The following CFAP54 variants were observed in gnomAD, a reference collection of about 807,000 sequenced individuals.
The protein encoded by CFAP54 is cilia- and flagella-associated protein 54.
A neutral mutation model predicts 370.4 loss-of-function variants in CFAP54; 290 were observed. The observed-to-expected ratio is 0.78, with a 90% CI of 0.71 to 0.86. CFAP54 has a LOEUF of 0.86. Among genes scored for constraint, CFAP54 ranks in the 40% least tolerant of loss-of-function variants. CFAP54 has a pLI of 0.00. For missense variants in CFAP54, 3,399 were observed against 3,528.7 expected (o/e 0.96, Z 0.93); for synonymous variants, 1,206 against 1,236.5 (o/e 0.98, Z 0.52).
At chr12:96,570,048 C>T (rs908012104) in intron 19 of CFAP54, among the ~76,000 whole-genome samples, 1 of 151,896 alleles carries the variant, frequency 6.6e-6, no homozygotes, top group Non-Finnish European at 1.5e-5. Context: ...GTGTGTATGG[C>T]TCACTGCAGC....
intron 67 of CFAP54, among the ~76,000 whole-genome samples, chr12:96,872,656 A>G (rs905473266): frequency 2.0e-5 from 3 of 152,222 alleles, no homozygotes; most frequent in Non-Finnish European, 2.9e-5. Context: ...AACATCTAGT[A>G]CAGTAATTCC....
At chr12:96,869,779 T>G (rs1013174968) in intron 67 of CFAP54, among the ~76,000 whole-genome samples, 2 of 151,268 alleles carry the variant, frequency 1.3e-5, no homozygotes, top group African/African-American at 4.9e-5. Context: ...CTACTAAAAA[T>G]ACAAAATTTG....
chr12:96,619,117 A>G (rs1412090873), intron 26 of CFAP54, among the ~76,000 whole-genome samples: 1 of 152,156 alleles, frequency 6.6e-6, no homozygotes, highest in African/African-American at 2.4e-5. Context: ...ACCTGCCTGC[A>G]CTTCCCAAAA....
chr12:96,585,105 T>G (rs778019043), intron 22 of CFAP54, among the ~76,000 whole-genome samples: 2 of 151,900 alleles, frequency 1.3e-5, no homozygotes, highest in Non-Finnish European at 2.9e-5. Context: ...GATCTCATTT[T>G]CGATGTTTGA....
intron 32 of CFAP54, among the ~76,000 whole-genome samples, chr12:96,634,744 A>ATTC (rs1956646494): frequency 6.6e-6 from 1 of 152,006 alleles, no homozygotes; most frequent in African/African-American, 2.4e-5. Flanking sequence ...ATTCATTTTG[A>ATTC]GTTAATTTTT....
Position 96,489,650 on chromosome 12 carries a change from A to G in CFAP54, c.41A>G (p.Asp14Gly), listed in dbSNP as rs1954854059. ...TCCCCCTCGAGCTCTCCGTCAGACG[A>G]CTCTACCACCTCGGGGTCTCTGCCA... ...QGSPSSSPSD[D>G]STTSGSLPEL... Residue 14 changes from aspartate to glycine, a missense_variant, in exon 1 of 68, where the codon GAC (aspartate) becomes GGC (glycine). Physicochemically the swap from Asp to Gly is moderately conservative, Grantham distance 94. Coordinates refer to ENST00000524981, the MANE Select transcript of CFAP54 (RefSeq NM_001306084.2). 1.3e-6 allele frequency: 2 copies of G among 1,531,830 alleles called. No homozygotes were observed. The highest frequency in any genetic ancestry group is 8.7e-7 in the Non-Finnish European group (1 of 1,144,002). 94.9% of individuals were successfully genotyped at this position (1,531,830 alleles called of 1,614,324 possible). A position where few individuals can be genotyped will look rare whatever the true frequency, so the allele number is the denominator to read the frequency against.
intron 39 of CFAP54, among the ~76,000 whole-genome samples, chr12:96,672,537 T>C (rs568912959): frequency 3.3e-5 from 5 of 152,264 alleles, no homozygotes; most frequent in Non-Finnish European, 7.4e-5. Flanking sequence ...GAGGGTCCAA[T>C]GAGTGAGATT....
intron 66 of CFAP54, among the ~76,000 whole-genome samples, chr12:96,856,558 T>A (rs928410264): frequency 1.4e-4 from 22 of 151,946 alleles, no homozygotes; most frequent in African/African-American, 5.1e-4. Flanking sequence ...ATAACAAGAG[T>A]CACCTTTGCT....
chr12:96,699,581 G>T (rs1258196583), intron 45 of CFAP54, among the ~76,000 whole-genome samples: 1 of 152,136 alleles, frequency 6.6e-6, no homozygotes, highest in Non-Finnish European at 1.5e-5. Flanking sequence ...TTGGGCTGGA[G>T]AACATTAGGA....
intron 36 of CFAP54, among the ~76,000 whole-genome samples, chr12:96,653,392 A>G (rs553662384): frequency 3.2e-4 from 49 of 152,358 alleles, no homozygotes; most frequent in Admixed American, 1.5e-3. Flanking sequence ...ATAAGTCTTC[A>G]AAAATGTAAG....
chr12:96,549,076 G>A (rs1404662570), intron 15 of CFAP54, among the ~76,000 whole-genome samples: 1 of 152,092 alleles, frequency 6.6e-6, no homozygotes, highest in Non-Finnish European at 1.5e-5. Flanking sequence ...GGATGGTCTC[G>A]ATCTCCTGAC....
At chr12:96,490,062 A>T (rs1393486759) in intron 1 of CFAP54, 136 bp downstream of exon 1, 3 of 765,428 alleles carry the variant, frequency 3.9e-6, no homozygotes, top group African/African-American at 1.8e-5. Context: ...CCCAGGAGAG[A>T]CAAAGTTTAA....
At chr12:96,681,420 A>T (rs1393455289) in intron 40 of CFAP54, among the ~76,000 whole-genome samples, 13 of 143,042 alleles carry the variant, frequency 9.1e-5, no homozygotes, top group Admixed American at 5.7e-4. Flanking sequence ...TGTTGCTTCT[A>T]TCCCAGAGGT....
At chr12:96,582,468 A>G (rs371815528) in intron 22 of CFAP54, among the ~76,000 whole-genome samples, 2 of 152,296 alleles carry the variant, frequency 1.3e-5, no homozygotes, top group East Asian at 1.9e-4. Context: ...GGCATTTTAT[A>G]TAGCATATTT....
Position 96,598,689 on chromosome 12 carries a change from T to G in CFAP54, c.3561T>G (p.Ile1187Met), listed in dbSNP as rs1228664534. The G allele has an allele frequency of 7.3e-6, 5 of 681,742 alleles. No individual in the cohort carries two copies. The East Asian group carries it at 1.4e-4, about 18-fold the overall frequency. 42.2% of individuals were successfully genotyped at this position (681,742 alleles called of 1,614,324 possible). The change falls in exon 26 of 68, where the codon ATT becomes ATG. Residue 1187 changes from isoleucine to methionine, a missense_variant. By Grantham distance (10) the Ile-to-Met change is conservative. This residue lies in a region of CFAP54 where 2,796 missense variants were observed against 2,869.7 expected (regional missense o/e 0.97). Transcript: ENST00000524981. ...TGGTTTTGCAAGGACTACCAAGTATTGTCTGCTCGAAGAAACATACTGCGA... is the reference window on the plus strand; with the variant it reads ...TGGTTTTGCAAGGACTACCAAGTATGGTCTGCTCGAAGAAACATACTGCGA... ...CIVVLQGLPS[I>M]VCSKKHTASF... is the part of the protein sequence containing the mutation.
At chr12:96,839,127 A>T (rs1959196336) in intron 66 of CFAP54, among the ~76,000 whole-genome samples, 1 of 152,206 alleles carries the variant, frequency 6.6e-6, no homozygotes, top group East Asian at 1.9e-4. Context: ...TGGAGAGTCT[A>T]GTTGCCTGGC....
chr12:96,738,643 A>T (rs1295532490), intron 50 of CFAP54, among the ~76,000 whole-genome samples: 7 of 127,372 alleles, frequency 5.5e-5, no homozygotes, highest in African/African-American at 2.2e-4. Context: ...ACGGGGTCTC[A>T]CTCTGTCGCC....
At position 96,538,420 on chromosome 12, in the gene CFAP54, A is replaced by G. The variant is rs549572107; in HGVS notation, c.1828A>G (p.Ile610Val). The G allele has an allele frequency of 5.2e-6, 8 of 1,535,894 alleles. No individual in the cohort carries two copies. The East Asian group carries it at 7.3e-5, about 14-fold the overall frequency. The change falls in exon 13 of 68, where the codon ATA becomes GTA. Residue 610 changes from isoleucine to valine, a missense_variant. Physicochemically the swap from Ile to Val is conservative, Grantham distance 29. Around this residue, in one of 3 missense-constraint regions of CFAP54, gnomAD observed 2,796 missense variants for 2,869.7 expected, o/e 0.97. Transcript: ENST00000524981. ...QPDKEIVVDT[I>V]MFLWQKCKLG... is the part of the protein sequence containing the mutation. ...TGATAAAGAAATTGTTGTGGACACGATAATGTTCCTATGGCAGAAATGCAA... is the reference window on the plus strand; with the variant it reads ...TGATAAAGAAATTGTTGTGGACACGGTAATGTTCCTATGGCAGAAATGCAA...
chr12:96,717,395 G>C (rs1957695926), intron 48 of CFAP54, among the ~76,000 whole-genome samples: 1 of 152,220 alleles, frequency 6.6e-6, no homozygotes, highest in Non-Finnish European at 1.5e-5. Context: ...AGGTAGGGAA[G>C]TGTTGCTGTT....
Sources: gnomAD v4.1 joint callset for allele counts (sites outside exome capture counted in the v4.1 genomes callset) on GRCh38, gnomAD v4.1.1 for gene constraint, gnomAD v4.1.1 regional missense constraint, MANE v1.5 for transcripts, NCBI Gene and HGNC (gene_info 2026-07-23, HGNC 2026-07-21) for gene names.